Variants in TMEM182 observed in about 807,000 individuals in gnomAD.
TMEM182 encodes transmembrane protein 182.
A neutral mutation model predicts 26.8 loss-of-function variants in TMEM182; 20 were observed. The observed-to-expected ratio is 0.75, with a 90% CI of 0.53 to 1.09. The LOEUF (loss-of-function observed/expected upper bound fraction) is 1.09, where lower values mean the gene tolerates loss of function less well. TMEM182 is among the 50% of genes least tolerant of loss of function. TMEM182 has a pLI of 0.00. For synonymous variants in TMEM182, 109 were observed against 102.2 expected (o/e 1.07, Z -0.40); for missense variants, 277 against 275.5 (o/e 1.01, Z -0.04).
At chr2:102,749,562 G>T (rs1011003610) in intron 1 of TMEM182, among the ~76,000 whole-genome samples, 1 of 152,138 alleles carries the variant, frequency 6.6e-6, no homozygotes, top group Non-Finnish European at 1.5e-5. Context: ...TCTATACTTT[G>T]ATCAGGATAA....
At chr2:102,782,442 A>G (rs1320052797) in intron 3 of TMEM182, among the ~76,000 whole-genome samples, 3 of 152,160 alleles carry the variant, frequency 2.0e-5, no homozygotes, top group African/African-American at 4.8e-5. Context: ...AAATGACTTT[A>G]TTTCATTTTT....
intron 3 of TMEM182, among the ~76,000 whole-genome samples, chr2:102,789,800 G>A (rs1337777442): frequency 1.4e-5 from 2 of 144,952 alleles, no homozygotes; most frequent in African/African-American, 5.0e-5. Context: ...GGAAAACAAA[G>A]CCTCAACCAC....
rs959567118 is a variant in TMEM182, at chr2:102,736,944, G to A, written c.-152G>A. On this transcript the variant is annotated 5_prime_UTR_variant, in exon 1 of 6. Coordinates refer to the TMEM182 transcript ENST00000409173. Reference sequence around the variant, plus strand: ...GCGGGTGCTACCTGGCAGCTCCGCGGGTGCGTGGCCGGTGCTGGCTGGGAG... The same window carrying A: ...GCGGGTGCTACCTGGCAGCTCCGCGAGTGCGTGGCCGGTGCTGGCTGGGAG... The A allele has an allele frequency of 2.6e-6, 3 of 1,157,300 alleles. No individual in the cohort carries two copies. In the South Asian group the frequency reaches 4.8e-5, roughly 19 times the overall value. 71.7% of individuals were successfully genotyped at this position (1,157,300 alleles called of 1,614,324 possible).
At chr2:102,795,985 T>G (rs1417037489) in intron 3 of TMEM182, among the ~76,000 whole-genome samples, 1 of 152,156 alleles carries the variant, frequency 6.6e-6, no homozygotes, top group Non-Finnish European at 1.5e-5. Flanking sequence ...TCATTTGGGA[T>G]TTTAAGTGCC....
intron 3 of TMEM182, among the ~76,000 whole-genome samples, chr2:102,796,545 T>G (rs1162990324): frequency 1.3e-5 from 2 of 152,212 alleles, no homozygotes; most frequent in African/African-American, 4.8e-5. Flanking sequence ...CAGCAAATAT[T>G]TGGCCACACT....
chr2:102,835,930 G>C (rs1268159990), intron 3 of TMEM182, among the ~76,000 whole-genome samples: 1 of 146,030 alleles, frequency 6.8e-6, no homozygotes, highest in East Asian at 2.0e-4. Flanking sequence ...TCCCACCTAT[G>C]AGTGAGAACA....
At chr2:102,773,861 C>T (rs10178723) in intron 3 of TMEM182, among the ~76,000 whole-genome samples, 9,306 of 151,876 alleles carry the variant, frequency 0.061, 953 homozygotes, top group African/African-American at 0.21. Context: ...ATTTAACTAC[C>T]ATAAGGGAAT....
chr2:102,794,105 G>C (rs1681766614), intron 3 of TMEM182, among the ~76,000 whole-genome samples: 1 of 152,048 alleles, frequency 6.6e-6, no homozygotes, highest in Non-Finnish European at 1.5e-5. Flanking sequence ...CCTTTTATTG[G>C]TTTCTTATTA....
chr2:102,786,600 A>G (rs779314312), intron 3 of TMEM182, among the ~76,000 whole-genome samples: 4 of 152,176 alleles, frequency 2.6e-5, no homozygotes, highest in Non-Finnish European at 5.9e-5. Flanking sequence ...TCTCTTTCAT[A>G]GGGATTTACA....
At chr2:102,805,822 T>A (rs1347128061) in intron 4 of TMEM182, among the ~76,000 whole-genome samples, 8 of 152,104 alleles carry the variant, frequency 5.3e-5, no homozygotes, top group Non-Finnish European at 8.8e-5. Flanking sequence ...TGCAAGAGGA[T>A]TGCTTGAGTC....
intron 3 of TMEM182, among the ~76,000 whole-genome samples, chr2:102,832,511 A>G (rs1286885907): frequency 6.6e-6 from 1 of 152,222 alleles, no homozygotes; most frequent in Non-Finnish European, 1.5e-5. Flanking sequence ...GCAGAATCCT[A>G]TGCAACTGTG....
chr2:102,787,887 T>C (rs549519848), intron 3 of TMEM182, among the ~76,000 whole-genome samples: 13 of 152,224 alleles, frequency 8.5e-5, no homozygotes, highest in African/African-American at 3.1e-4. Context: ...AACATAGAGA[T>C]TGCTGGGAAG....
At chr2:102,821,146 C>G (rs551241248), downstream of TMEM182, among the ~76,000 whole-genome samples, 5 of 152,316 alleles carry the variant, frequency 3.3e-5, no homozygotes, top group East Asian at 9.7e-4. Context: ...TGCCAAGGTG[C>G]ACTCCAGACT....
intron 3 of TMEM182, among the ~76,000 whole-genome samples, chr2:102,768,556 C>G (rs1680551271): frequency 6.6e-6 from 1 of 151,242 alleles, no homozygotes; most frequent in Non-Finnish European, 1.5e-5. Flanking sequence ...AAAAAATTAG[C>G]CAGGAGGGGT....
Position 102,751,648 on chromosome 2 carries a change from A to G in TMEM182, c.-82-6741A>G, listed in dbSNP as rs13420223. Among the ~76,000 whole-genome samples the G allele has an allele frequency of 2.6e-3, 396 of 152,226 alleles. 1 individual carries two copies. Among genetic ancestry groups the G allele is most frequent in the African/African-American group, 9.2e-3 (384 of 41,540 alleles). ...CTTTCCTACCCTCACTATCTGCTAC[A>G]TAACTTCTTCTTAACTCCTGTATCG... On this transcript the variant is annotated intron_variant, in intron 1 of 5. Coordinates refer to the TMEM182 transcript ENST00000409173.
intron 3 of TMEM182, among the ~76,000 whole-genome samples, chr2:102,833,115 A>G (rs774066431): frequency 3.9e-5 from 6 of 152,198 alleles, no homozygotes; most frequent in Non-Finnish European, 7.3e-5. Flanking sequence ...GGAACATGCT[A>G]TGATTTCAGG....
chr2:102,772,798 G>A (rs1014829909), intron 3 of TMEM182, among the ~76,000 whole-genome samples: 3 of 152,136 alleles, frequency 2.0e-5, no homozygotes, highest in South Asian at 2.1e-4. Context: ...TGGCGGAGTC[G>A]TTGCCATGTA....
At chr2:102,790,899 A>G (rs577420779) in intron 3 of TMEM182, among the ~76,000 whole-genome samples, 1 of 152,330 alleles carries the variant, frequency 6.6e-6, no homozygotes, top group South Asian at 2.1e-4. Context: ...ACAATGTTTA[A>G]TGATTCAATG....
intron 3 of TMEM182, among the ~76,000 whole-genome samples, chr2:102,795,666 T>C (rs1681838866): frequency 1.3e-5 from 2 of 152,208 alleles, no homozygotes; most frequent in Non-Finnish European, 2.9e-5. Flanking sequence ...TTCCTGTGCA[T>C]GTGCAACTTG....
Sources: allele counts gnomAD v4.1 joint callset (sites outside exome capture counted in the v4.1 genomes callset), GRCh38; gene constraint gnomAD v4.1.1; transcripts MANE v1.5; gene names NCBI Gene and HGNC (gene_info 2026-07-23, HGNC 2026-07-21).